Variants in PIAS4 observed in about 807,000 individuals in gnomAD.
PIAS4 encodes the protein E3 SUMO-protein ligase PIAS4.
A neutral mutation model predicts 58.0 loss-of-function variants in PIAS4; 7 were observed. That is an observed-to-expected ratio of 0.12 (90% CI 0.07 to 0.23). The LOEUF is 0.23. Ranked by LOEUF, PIAS4 falls within the 10% of genes least tolerant of loss-of-function variation. The pLI, the probability that PIAS4 is intolerant of heterozygous loss-of-function variation, is 1.00. For synonymous variants in PIAS4, 364 were observed against 312.4 expected (o/e 1.17, Z -1.74); for missense variants, 550 against 709.5 (o/e 0.78, Z 2.55).
At chr19:4,024,828 C>T (rs946459209) in intron 3 of PIAS4, among the ~76,000 whole-genome samples, 3 of 151,908 alleles carry the variant, frequency 2.0e-5, no homozygotes, top group African/African-American at 4.8e-5. Context: ...TGCAGTGGCG[C>T]GATTTTGGCT....
chr19:4,008,775 C>G (rs1043249893), intron 1 of PIAS4, among the ~76,000 whole-genome samples: 1 of 151,840 alleles, frequency 6.6e-6, no homozygotes, highest in African/African-American at 2.4e-5. Context: ...AGGTCAGACA[C>G]CCACCCTCCC....
At chr19:4,030,920 A>C (rs2040216941) in intron 7 of PIAS4, among the ~76,000 whole-genome samples, 10 of 152,086 alleles carry the variant, frequency 6.6e-5, no homozygotes, top group Admixed American at 6.6e-4. Flanking sequence ...AGTGGGAGTC[A>C]GGCAGGTGGG....
At position 4,030,025 on chromosome 19, in the gene PIAS4, T is replaced by C. The variant is rs1392686885; in HGVS notation, c.907+989T>C. 2.0e-5 allele frequency among the ~76,000 whole-genome samples: 3 copies of C among 151,816 alleles called. No homozygotes were observed. In the East Asian group the frequency reaches 5.9e-4, roughly 30 times the overall value. On this transcript the variant is annotated intron_variant, in intron 7 of 10. Coordinates refer to ENST00000262971, the MANE Select transcript of PIAS4 (RefSeq NM_015897.4). ...TTTCAGTAGAGACGGGGTTTCACCT[T>C]GTTAGCCAGGATGGTCTTAAGCTCC...
intron 1 of PIAS4, among the ~76,000 whole-genome samples, chr19:4,010,903 G>T (rs1049339895): frequency 5.3e-5 from 8 of 152,228 alleles, no homozygotes; most frequent in African/African-American, 1.9e-4. Flanking sequence ...CCGCCTGCAC[G>T]TGTGTCCCTG....
At chr19:4,016,015 A>ACGGCCCAAGGTCGCACAG (rs2040049908) in intron 2 of PIAS4, among the ~76,000 whole-genome samples, 2 of 152,186 alleles carry the variant, frequency 1.3e-5, no homozygotes, top group South Asian at 4.1e-4. Flanking sequence ...AGTGCGGAGA[A>ACGGCCCAAGGTCGCACAG]CGGCCCAAGG....
chr19:4,025,297 G>C (rs1461627716), intron 3 of PIAS4, among the ~76,000 whole-genome samples: 1 of 152,206 alleles, frequency 6.6e-6, no homozygotes, highest in Non-Finnish European at 1.5e-5. Flanking sequence ...AGATGAGGAC[G>C]GTTGAACTGT....
intron 3 of PIAS4, 52 bp downstream of exon 3, chr19:4,024,172 C>T (rs754098799): frequency 1.5e-6 from 2 of 1,297,532 alleles, no homozygotes; most frequent in Non-Finnish European, 2.2e-6. Context: ...CACCCACTTT[C>T]TCCTGGGCTC....
chr19:4,027,667 C>A (rs1355487211), intron 3 of PIAS4, among the ~76,000 whole-genome samples: 1 of 149,198 alleles, frequency 6.7e-6, no homozygotes, highest in Non-Finnish European at 1.5e-5. Context: ...TTCAGACGAT[C>A]CCCCTGCCTC....
chr19:4,024,702 C>T (rs964290441), intron 3 of PIAS4, among the ~76,000 whole-genome samples: 7 of 152,074 alleles, frequency 4.6e-5, no homozygotes, highest in Non-Finnish European at 7.4e-5. Flanking sequence ...TTACACCGCC[C>T]GCCTTAGGAA....
In PIAS4 at chr19:4,038,555, G is replaced by A. The variant is rs1357808044; in HGVS notation, c.*680G>A. ...TGAAAGTGCAATAATTTGGTATTTTGAAGACCCGGCGTGTGGTCAGGAACC... is the reference window on the plus strand; with the variant it reads ...TGAAAGTGCAATAATTTGGTATTTTAAAGACCCGGCGTGTGGTCAGGAACC... On this transcript the variant is annotated 3_prime_UTR_variant, in exon 11 of 11. Transcript: ENST00000262971. This position sits in a 1 kb window ranked among gnomAD's most constrained non-coding sequence, Gnocchi z 4.1. The A allele has an allele frequency of 1.3e-5, 2 of 152,136 alleles. No homozygotes were observed. Among genetic ancestry groups the A allele is most frequent in the African/African-American group, 4.8e-5 (2 of 41,402 alleles). The allele number at this position is 152,136 out of a possible 1,614,324, so 9.4% of individuals were successfully genotyped here.
At chr19:4,009,695 C>A (rs529968368) in intron 1 of PIAS4, among the ~76,000 whole-genome samples, 1 of 152,144 alleles carries the variant, frequency 6.6e-6, no homozygotes, top group Non-Finnish European at 1.5e-5. Context: ...TCTCCAAGTA[C>A]CTTAAATGTC....
intron 6 of PIAS4, 40 bp downstream of exon 6, chr19:4,028,888 C>G: frequency 1.2e-6 from 2 of 1,612,338 alleles, no homozygotes; most frequent in East Asian, 4.5e-5. Flanking sequence ...CCCCCAACCC[C>G]GGCCCCGTCC....
chr19:4,024,183 A>T, intron 3 of PIAS4, 63 bp downstream of exon 3: 2 of 1,255,334 alleles, frequency 1.6e-6, no homozygotes, highest in South Asian at 2.4e-5. Flanking sequence ...TCCTGGGCTC[A>T]CTGGGGAGAG....
At position 4,028,556 on chromosome 19, in the gene PIAS4, C is replaced by T. The variant is rs1247938019; in HGVS notation, c.628C>T (p.Pro210Ser). 1 of 1,612,934 alleles carries T rather than the reference C, an allele frequency of 6.2e-7. No homozygotes were observed. Among genetic ancestry groups the T allele is most frequent in the African/African-American group, 1.3e-5 (1 of 74,864 alleles). Residue 210 changes from proline to serine, a missense_variant, in exon 5 of 11, where the codon CCC becomes TCC. Pro to Ser is a moderately conservative substitution (Grantham distance 74). Transcript: ENST00000262971. ...CTGCCCTCAGGAGGACCAGTACCCG[C>T]CCAACATCGCTGTGAAGGTCAACCA... is the stretch of plus-strand genomic sequence containing the variant. ...TSCPQEDQYP[P>S]NIAVKVNHSY...
At chr19:4,021,734 TTC>T (rs1047936685) in intron 2 of PIAS4, among the ~76,000 whole-genome samples, 9 of 149,874 alleles carry the variant, frequency 6.0e-5, no homozygotes, top group African/African-American at 2.2e-4. Context: ...GACCTGCATT[TTC>T]TTTTTCTTTT....
At chr19:4,009,919 C>T (rs1397589381) in intron 1 of PIAS4, among the ~76,000 whole-genome samples, 2 of 152,162 alleles carry the variant, frequency 1.3e-5, no homozygotes, top group Non-Finnish European at 2.9e-5. Context: ...CACAGCGTTT[C>T]GCACAGATCT....
chr19:4,024,514 G>C (rs1272653947), intron 3 of PIAS4, among the ~76,000 whole-genome samples: 1 of 152,188 alleles, frequency 6.6e-6, no homozygotes, highest in East Asian at 1.9e-4. Flanking sequence ...TGTCCCCTAG[G>C]GCAGGATAAC....
At chr19:4,021,746 T>TG (rs1157337990) in intron 2 of PIAS4, among the ~76,000 whole-genome samples, 1 of 145,406 alleles carries the variant, frequency 6.9e-6, no homozygotes, top group Non-Finnish European at 1.5e-5. Context: ...CTTTTTCTTT[T>TG]TTTTTTTTTT....
Position 4,028,817 on chromosome 19 carries a change from G to A in PIAS4, c.770G>A (p.Arg257His), listed in dbSNP as rs773701146. ...ATGTACCTGTCCTCGGCCACCAACCGCATCACTGTCACCTGGGGGAACTAC... is the reference window on the plus strand; with the variant it reads ...ATGTACCTGTCCTCGGCCACCAACCACATCACTGTCACCTGGGGGAACTAC... Reference protein sequence around the residue: ...HLMYLSSATNRITVTWGNYGK... With the variant: ...HLMYLSSATNHITVTWGNYGK... The change falls in exon 6 of 11, where the codon CGC becomes CAC. Residue 257 changes from arginine to histidine, a missense_variant. Arg to His is a conservative substitution (Grantham distance 29, BLOSUM62 0). Coordinates refer to ENST00000262971, the MANE Select transcript of PIAS4 (RefSeq NM_015897.4). 7 of 1,613,384 alleles carry A rather than the reference G, an allele frequency of 4.3e-6. No individual in the cohort carries two copies. Among genetic ancestry groups the A allele is most frequent in the East Asian group, 2.2e-5 (1 of 44,880 alleles).
Sources: gnomAD v4.1 joint callset for allele counts (sites outside exome capture counted in the v4.1 genomes callset) on GRCh38, gnomAD v4.1.1 for gene constraint, Gnocchi (gnomAD v3.1) non-coding constraint, MANE v1.5 for transcripts, NCBI Gene and HGNC (gene_info 2026-07-23, HGNC 2026-07-21) for gene names.